NELL1: variants seen among roughly 807,000 people sequenced by gnomAD.
The protein encoded by NELL1 is protein kinase C-binding protein NELL1.
NELL1 carries 76 observed loss-of-function variants against 107.4 expected under a neutral mutation model. That is an observed-to-expected ratio of 0.71 (90% CI 0.59 to 0.86). The LOEUF is 0.86. Ranked by LOEUF, NELL1 falls within the 40% of genes least tolerant of loss-of-function variation. The pLI, the probability that NELL1 is intolerant of heterozygous loss-of-function variation, is 0.00. For synonymous variants in NELL1, 353 were observed against 341.2 expected (o/e 1.03, Z -0.38); for missense variants, 1,024 against 1,005.5 (o/e 1.02, Z -0.25).
At chr11:21,309,838 C>T (rs1849710456) in intron 14 of NELL1, among the ~76,000 whole-genome samples, 2 of 152,082 alleles carry the variant, frequency 1.3e-5, no homozygotes, top group African/African-American at 4.8e-5. Context: ...AGGAAAGACG[C>T]ACCCCATTAA....
intron 9 of NELL1, among the ~76,000 whole-genome samples, chr11:20,931,550 A>G (rs1850619094): frequency 6.6e-6 from 1 of 152,226 alleles, no homozygotes; most frequent in Non-Finnish European, 1.5e-5. Context: ...GTAAATATGC[A>G]TACCTTTTGT....
chr11:21,394,634 A>G (rs1016129619), intron 15 of NELL1, among the ~76,000 whole-genome samples: 13 of 151,444 alleles, frequency 8.6e-5, no homozygotes, highest in African/African-American at 2.9e-4. Context: ...TGTGTATTGT[A>G]TCTGGGTTAA....
chr11:21,399,486 C>T (rs1852048880), intron 15 of NELL1, among the ~76,000 whole-genome samples: 1 of 151,632 alleles, frequency 6.6e-6, no homozygotes, highest in South Asian at 2.1e-4. Flanking sequence ...TTAGCTTCTT[C>T]ACCTGTCAAG....
At chr11:21,452,911 CTCTTT>C (rs1331749309) in intron 15 of NELL1, among the ~76,000 whole-genome samples, 1 of 151,420 alleles carries the variant, frequency 6.6e-6, no homozygotes, top group East Asian at 1.9e-4. Context: ...TTGTAGCTTT[CTCTTT>C]TATTAGTGAA....
At chr11:21,246,023 GT>G (rs977361432) in intron 14 of NELL1, among the ~76,000 whole-genome samples, 7 of 150,782 alleles carry the variant, frequency 4.6e-5, no homozygotes, top group South Asian at 2.1e-4. Context: ...AATACAAATT[GT>G]TTTTTTTTGA....
chr11:21,361,034 C>A (rs1851064222), intron 14 of NELL1, among the ~76,000 whole-genome samples: 1 of 151,958 alleles, frequency 6.6e-6, no homozygotes. Context: ...TCTTTTTCCC[C>A]CACTGTGTTA....
chr11:20,745,604 G>A (rs1218831545), intron 2 of NELL1, among the ~76,000 whole-genome samples: 2 of 152,138 alleles, frequency 1.3e-5, no homozygotes, highest in Non-Finnish European at 2.9e-5. Context: ...TACTTAGTAG[G>A]TTACTAGTAA....
chr11:21,226,989 A>G (rs937039754), intron 13 of NELL1, among the ~76,000 whole-genome samples: 4 of 152,218 alleles, frequency 2.6e-5, no homozygotes, highest in African/African-American at 9.6e-5. Flanking sequence ...CTCATTAGAG[A>G]AAAAGATTTA....
At chr11:20,786,940 G>A (rs1470531157) in intron 3 of NELL1, among the ~76,000 whole-genome samples, 1 of 145,980 alleles carries the variant, frequency 6.9e-6, no homozygotes, top group Middle Eastern at 3.5e-3. Context: ...CCCGGGAGGT[G>A]GAGCTTGCCG....
chr11:21,158,222 C>T (rs1856286701), intron 13 of NELL1, among the ~76,000 whole-genome samples: 1 of 152,188 alleles, frequency 6.6e-6, no homozygotes, highest in African/African-American at 2.4e-5. Flanking sequence ...TGGCCAGAGA[C>T]TGAAGGCTTC....
At chr11:21,056,857 T>G (rs1187104393) in intron 12 of NELL1, among the ~76,000 whole-genome samples, 1 of 152,092 alleles carries the variant, frequency 6.6e-6, no homozygotes, top group Non-Finnish European at 1.5e-5. Context: ...GATCCTGAAT[T>G]ACTTCCTGAA....
At chr11:21,466,986 T>G (rs544228589) in intron 15 of NELL1, among the ~76,000 whole-genome samples, 1 of 152,226 alleles carries the variant, frequency 6.6e-6, no homozygotes, top group East Asian at 1.9e-4. Context: ...CTCTATTTTA[T>G]ATGTGACATG....
chr11:21,427,418 T>A (rs1344160709), intron 15 of NELL1, among the ~76,000 whole-genome samples: 2 of 152,196 alleles, frequency 1.3e-5, no homozygotes, highest in Non-Finnish European at 2.9e-5. Flanking sequence ...ATAATCCAGA[T>A]TTTTTACAGC....
intron 2 of NELL1, among the ~76,000 whole-genome samples, chr11:20,709,556 C>A (rs935396605): frequency 6.6e-6 from 1 of 151,888 alleles, no homozygotes; most frequent in Admixed American, 6.6e-5. Flanking sequence ...TTTTAGGATT[C>A]TTTTTTCTAG....
intron 12 of NELL1, among the ~76,000 whole-genome samples, chr11:21,045,387 T>C (rs1419842909): frequency 2.0e-5 from 3 of 152,156 alleles, no homozygotes; most frequent in Non-Finnish European, 4.4e-5. Context: ...GGAGACTTTT[T>C]CATAGTAGTA....
chr11:21,222,118 T>C (rs1415673436), intron 13 of NELL1, among the ~76,000 whole-genome samples: 1 of 152,190 alleles, frequency 6.6e-6, no homozygotes, highest in African/African-American at 2.4e-5. Context: ...TTGTTGATTT[T>C]GTTTATCTTT....
At chr11:21,289,406 G>A (rs538148410) in intron 14 of NELL1, among the ~76,000 whole-genome samples, 52 of 152,298 alleles carry the variant, frequency 3.4e-4, no homozygotes, top group African/African-American at 1.2e-3. Flanking sequence ...GGAAGTGCAA[G>A]GGGTCAGGGA....
At position 21,102,099 on chromosome 11, in the gene NELL1, C is replaced by T. The variant is rs905075074; in HGVS notation, c.1301-11490C>T. On this transcript the variant is annotated intron_variant, in intron 12 of 19. Coordinates refer to ENST00000357134, the MANE Select transcript of NELL1 (RefSeq NM_006157.5). Reference sequence around the variant, plus strand: ...AACTTCTGACCTCTGGTGATCCACCCACCTCAGCCTCCCAAAGTGCTGGAA... The same window carrying T: ...AACTTCTGACCTCTGGTGATCCACCTACCTCAGCCTCCCAAAGTGCTGGAA... Among the ~76,000 whole-genome samples, 20 of 152,264 alleles carry T rather than the reference C, an allele frequency of 1.3e-4. No individual in the cohort carries two copies. The East Asian group carries it at 3.7e-3, about 28-fold the overall frequency.
intron 13 of NELL1, among the ~76,000 whole-genome samples, chr11:21,145,530 T>C (rs1173941854): frequency 6.6e-6 from 1 of 152,206 alleles, no homozygotes; most frequent in Non-Finnish European, 1.5e-5. Flanking sequence ...AGAAAGGAAA[T>C]ACCACAATTA....
Sources: gnomAD v4.1 joint callset for allele counts (sites outside exome capture counted in the v4.1 genomes callset) on GRCh38, gnomAD v4.1.1 for gene constraint, MANE v1.5 for transcripts, NCBI Gene and HGNC (gene_info 2026-07-23, HGNC 2026-07-21) for gene names.